The following BNC2 variants were observed in gnomAD, a reference collection of about 807,000 sequenced individuals.
BNC2 encodes the protein zinc finger protein basonuclin-2.
Under a neutral mutation model 76.3 loss-of-function variants are expected in BNC2, and 20 were observed. The observed-to-expected ratio is 0.26, with a 90% CI of 0.18 to 0.38. BNC2 has a LOEUF of 0.38. BNC2 is among the 10% of genes least tolerant of loss of function. BNC2 has a pLI of 1.00. For missense variants in BNC2, 1,382 were observed against 1,399.8 expected, an observed-to-expected ratio of 0.99 and a Z score of 0.20; for synonymous variants, 582 against 514.8, an observed-to-expected ratio of 1.13 and a Z score of -1.77.
chr9:16,829,753 A>T (rs147161507), intron 1 of BNC2, among the ~76,000 whole-genome samples: 24 of 152,336 alleles, frequency 1.6e-4, no homozygotes, highest in Non-Finnish European at 3.2e-4. Context: ...TACAAATGCT[A>T]CTTGGGTTCT....
At chr9:16,770,409 A>C (rs549924362) in intron 1 of BNC2, among the ~76,000 whole-genome samples, 1 of 152,202 alleles carries the variant, frequency 6.6e-6, no homozygotes, top group Non-Finnish European at 1.5e-5. Context: ...CAGAAGGTAA[A>C]TTACTGACAT....
At chr9:16,867,308 A>T (rs760617955) in intron 1 of BNC2, 1 of 151,908 alleles carries the variant, frequency 6.6e-6, no homozygotes, top group African/African-American at 2.4e-5. Flanking sequence ...CATGTACCAT[A>T]GTATTTATAC....
rs910634492 is a variant in BNC2 at position 16,436,179 on chromosome 9, T to C, written c.2015A>G (p.His672Arg). ...CTCTTGGGAGTGACAATGATTGTCA[T>C]GGCTCATGTCATTGACCACAGCTCC... ...DGGAVVNDMSHDNHCHSQEEM... is the reference protein window; with the variant it reads ...DGGAVVNDMSRDNHCHSQEEM... Residue 672 changes from histidine to arginine, a missense_variant, in exon 6 of 7, where the codon CAT (histidine) becomes CGT (arginine). Coordinates refer to ENST00000380672, the MANE Select transcript of BNC2 (RefSeq NM_017637.6). 1.2e-6 allele frequency: 2 copies of C among 1,614,230 alleles called. No homozygotes were observed. The highest frequency in any genetic ancestry group is 2.2e-5 in the East Asian group (1 of 44,878).
chr9:16,808,382 T>G (rs542899717), intron 1 of BNC2, among the ~76,000 whole-genome samples: 1 of 151,598 alleles, frequency 6.6e-6, no homozygotes, highest in Non-Finnish European at 1.5e-5. Flanking sequence ...AATTAAAAGT[T>G]AGAGGTAGAG....
At chr9:16,490,474 C>G (rs886338451) in intron 5 of BNC2, among the ~76,000 whole-genome samples, 1 of 152,176 alleles carries the variant, frequency 6.6e-6, no homozygotes, top group African/African-American at 2.4e-5. Context: ...CACAGCCAAA[C>G]CGTATCACTC....
At chr9:16,685,635 G>C (rs1422664385) in intron 3 of BNC2, 1 of 1,304,008 alleles carries the variant, frequency 7.7e-7, no homozygotes, top group Non-Finnish European at 1.0e-6. Context: ...GAACCTGAGG[G>C]AATACAGCCA....
At chr9:16,714,565 T>G (rs1019562398) in intron 3 of BNC2, among the ~76,000 whole-genome samples, 4 of 152,236 alleles carry the variant, frequency 2.6e-5, no homozygotes, top group South Asian at 4.1e-4. Context: ...ATCTCTGGTC[T>G]TTTCTCCAGT....
intron 5 of BNC2, among the ~76,000 whole-genome samples, chr9:16,525,209 C>G (rs1292803015): frequency 6.6e-6 from 1 of 151,856 alleles, no homozygotes; most frequent in African/African-American, 2.4e-5. Flanking sequence ...AAGCCAGACT[C>G]AAGAATCAAA....
intron 5 of BNC2, among the ~76,000 whole-genome samples, chr9:16,444,883 C>A (rs888335393): frequency 9.5e-4 from 145 of 152,268 alleles, no homozygotes; most frequent in African/African-American, 3.3e-3. Flanking sequence ...AGTATTTAAA[C>A]CCTCAGTCAA....
At chr9:16,498,472 C>A (rs552234617) in intron 5 of BNC2, among the ~76,000 whole-genome samples, 8 of 150,004 alleles carry the variant, frequency 5.3e-5, no homozygotes, top group Non-Finnish European at 1.0e-4. Flanking sequence ...GCTATGAGGA[C>A]GCAAACACCT....
intron 1 of BNC2, among the ~76,000 whole-genome samples, chr9:16,756,120 T>C (rs1023788569): frequency 6.6e-6 from 1 of 152,236 alleles, no homozygotes; most frequent in African/African-American, 2.4e-5. Flanking sequence ...TGAGAAGTTA[T>C]TAAGAATATA....
At chr9:16,758,323 C>T (rs959995288) in intron 1 of BNC2, among the ~76,000 whole-genome samples, 3 of 142,472 alleles carry the variant, frequency 2.1e-5, no homozygotes, top group South Asian at 2.5e-4. Context: ...TAACATTAGC[C>T]GCGTTTGCAA....
At chr9:16,654,175 C>G (rs963685048) in intron 3 of BNC2, among the ~76,000 whole-genome samples, 1 of 152,172 alleles carries the variant, frequency 6.6e-6, no homozygotes, top group Non-Finnish European at 1.5e-5. Flanking sequence ...TAGGCAACTA[C>G]AGTAGAAATT....
rs373926837 is a variant in BNC2 at position 16,422,903 on chromosome 9, T to C, written c.2640-3254A>G. Among the ~76,000 whole-genome samples the C allele has an allele frequency of 3.9e-4, 59 of 152,276 alleles. No individual in the cohort carries two copies. In the South Asian group the frequency reaches 5.6e-3, roughly 14 times the overall value. On this transcript the variant is annotated intron_variant, in intron 6 of 6. Coordinates refer to ENST00000380672, the MANE Select transcript of BNC2 (RefSeq NM_017637.6). The stretch of plus-strand genomic sequence containing the variant: ...ACTGTCCTCATGAGACACAAAGACC[T>C]AGGGTTAATAGCAATTTGAGGACTA...
chr9:16,676,573 G>A (rs1247850632), intron 3 of BNC2, among the ~76,000 whole-genome samples: 1 of 152,204 alleles, frequency 6.6e-6, no homozygotes, highest in Non-Finnish European at 1.5e-5. Context: ...AGAAATATTG[G>A]TATTGAGAGA....
At chr9:16,555,823 T>C (rs1299507643) in intron 4 of BNC2, among the ~76,000 whole-genome samples, 1 of 141,954 alleles carries the variant, frequency 7.0e-6, no homozygotes, top group African/African-American at 3.0e-5. Context: ...GTAGAAAAAC[T>C]GTTATAAACC....
chr9:16,726,491 T>C (rs909502375), intron 3 of BNC2, among the ~76,000 whole-genome samples: 3 of 151,318 alleles, frequency 2.0e-5, no homozygotes, highest in African/African-American at 4.9e-5. Context: ...TTTTTTTTAT[T>C]ATCAACAACT....
chr9:16,677,836 A>C (rs1822698002), intron 3 of BNC2, among the ~76,000 whole-genome samples: 1 of 152,178 alleles, frequency 6.6e-6, no homozygotes, highest in Non-Finnish European at 1.5e-5. Context: ...TAAAAAGCTT[A>C]ATCAAGGTTC....
In BNC2 at chr9:16,685,934, CAGAA is replaced by C. The variant is rs574438491; in HGVS notation, c.330+41859_330+41862del. On this transcript the variant is annotated intron_variant, in intron 3 of 6. Transcript: ENST00000380672. ...ATAGCCACGGACAGGAGGAGGGAGA[CAGAA>C]GGAAGGAAATGCAGGGATGGGAAAA... 2.4e-3 allele frequency among the ~76,000 whole-genome samples: 371 copies of C among 152,102 alleles called. 1 individual carries two copies. Among genetic ancestry groups the C allele is most frequent in the South Asian group, 3.5e-3 (17 of 4,810 alleles).
Sources: gnomAD v4.1 joint callset for allele counts (sites outside exome capture counted in the v4.1 genomes callset) on GRCh38, gnomAD v4.1.1 for gene constraint, MANE v1.5 for transcripts, NCBI Gene and HGNC (gene_info 2026-07-23, HGNC 2026-07-21) for gene names.